TBC1D8: variants seen among roughly 807,000 people sequenced by gnomAD.
TBC1D8 encodes the protein BUB2-like protein 1.
In TBC1D8, 65 loss-of-function variants were observed where a neutral mutation model predicts 118.8. The ratio of observed to expected loss-of-function variants is 0.55; its 90% CI spans 0.45 to 0.67. TBC1D8 has a LOEUF of 0.67. Ranked by LOEUF, TBC1D8 falls within the 30% of genes least tolerant of loss-of-function variation. TBC1D8 has a pLI of 0.00. For synonymous variants in TBC1D8, 566 were observed against 595.8 expected, an observed-to-expected ratio of 0.95 and a Z score of 0.73; for missense variants, 1,376 against 1,471.2, an observed-to-expected ratio of 0.94 and a Z score of 1.06.
chr2:101,079,841 A>G (rs1262548646), intron 2 of TBC1D8, among the ~76,000 whole-genome samples: 1 of 151,412 alleles, frequency 6.6e-6, no homozygotes, highest in Non-Finnish European at 1.5e-5. Context: ...GCCCGCCACC[A>G]CGCCTGGCTA....
chr2:101,098,778 T>C (rs1005093321), intron 1 of TBC1D8, among the ~76,000 whole-genome samples: 19 of 152,112 alleles, frequency 1.2e-4, no homozygotes, highest in African/African-American at 4.3e-4. Flanking sequence ...GGGTAAATTA[T>C]GAAATTACAG....
intron 1 of TBC1D8, among the ~76,000 whole-genome samples, chr2:101,143,628 C>A (rs1430161370): frequency 6.6e-6 from 1 of 152,172 alleles, no homozygotes; most frequent in Non-Finnish European, 1.5e-5. Context: ...GGTACGATCA[C>A]AGTTCACTGC....
At position 101,090,721 on chromosome 2, in the gene TBC1D8, T is replaced by C. The variant is rs565148407; in HGVS notation, c.128-357A>G. 1.8e-4 allele frequency among the ~76,000 whole-genome samples: 27 copies of C among 152,358 alleles called. No individual in the cohort carries two copies. The South Asian group carries it at 5.6e-3, about 32-fold the overall frequency. On this transcript the variant is annotated intron_variant, in intron 1 of 19. Coordinates refer to ENST00000409318, the MANE Select transcript of TBC1D8 (RefSeq NM_001330348.2). ...CTGATGCAAACCCTGGCTCCACCACTTTCAATCTGTGGGGCCTTAGGCAAA... is the reference window on the plus strand; with the variant it reads ...CTGATGCAAACCCTGGCTCCACCACCTTCAATCTGTGGGGCCTTAGGCAAA...
chr2:101,149,464 G>A (rs1351839937), intron 1 of TBC1D8, among the ~76,000 whole-genome samples: 6 of 152,144 alleles, frequency 3.9e-5, no homozygotes, highest in African/African-American at 9.7e-5. Context: ...GCCTGCTCTC[G>A]GGCCTCTTTC....
chr2:101,098,213 T>C (rs567696750), intron 1 of TBC1D8, among the ~76,000 whole-genome samples: 1 of 152,162 alleles, frequency 6.6e-6, no homozygotes, highest in African/African-American at 2.4e-5. Flanking sequence ...ACCAACATGG[T>C]GAAACCCCAT....
At chr2:101,050,719 C>A in intron 4 of TBC1D8, 78 bp from the exon 5 acceptor site, 4 of 1,552,906 alleles carry the variant, frequency 2.6e-6, no homozygotes, top group Non-Finnish European at 3.5e-6. Context: ...AGCAACTATC[C>A]AAAGCTCTCC....
At chr2:101,027,277 C>T (rs1035609241) in intron 15 of TBC1D8, 106 bp downstream of exon 15, 8 of 1,051,648 alleles carry the variant, frequency 7.6e-6, no homozygotes, top group African/African-American at 3.2e-5. Context: ...GGCCTCTGCT[C>T]CACGGAGCCC....
intron 4 of TBC1D8, among the ~76,000 whole-genome samples, chr2:101,051,420 A>G (rs1178594172): frequency 6.6e-6 from 1 of 152,202 alleles, no homozygotes; most frequent in Non-Finnish European, 1.5e-5. Context: ...TGAAGATGCC[A>G]AAAAGCAATT....
intron 4 of TBC1D8, among the ~76,000 whole-genome samples, 151 bp from the exon 5 acceptor site, chr2:101,050,792 G>C (rs928353424): frequency 6.6e-6 from 1 of 152,178 alleles, no homozygotes; most frequent in Non-Finnish European, 1.5e-5. Flanking sequence ...AGGGATACAC[G>C]TGCAGGTTTG....
Position 101,007,690 on chromosome 2 carries a change from T to G in TBC1D8, c.*131A>C, listed in dbSNP as rs1432033442. 2 of 912,038 alleles carry G rather than the reference T, an allele frequency of 2.2e-6. No individual in the cohort carries two copies. Among genetic ancestry groups the G allele is most frequent in the South Asian group, 3.3e-5 (2 of 61,354 alleles). 56.5% of individuals were successfully genotyped at this position (912,038 alleles called of 1,614,324 possible). On this transcript the variant is annotated 3_prime_UTR_variant, in exon 20 of 20. Transcript: ENST00000409318. ...TGTGTCGGTTCCCCTGGCCACAGTT[T>G]GTCAGGTTGTTTAGCCAGATGCCCC...
chr2:101,114,975 A>G (rs1035215122), intron 1 of TBC1D8, among the ~76,000 whole-genome samples: 1 of 152,222 alleles, frequency 6.6e-6, no homozygotes, highest in Non-Finnish European at 1.5e-5. Context: ...ACATAGAGCT[A>G]GTCTGTAAAA....
In TBC1D8 at chr2:101,037,636, G is replaced by A; in HGVS notation, c.1348C>T (p.Gln450Ter). ...RFGDLEMMSS[Q>*]NSEESEKEKS... ...TCTTTCTCACTCTCCTCGCTATTTT[G>A]AGAAGACATCATTTCAAGATCCCCA... Residue 450 changes from glutamine to a stop codon, truncating the protein, a stop_gained, in exon 8 of 20, where the codon CAA (glutamine) becomes TAA (stop). Coordinates refer to ENST00000409318, the MANE Select transcript of TBC1D8 (RefSeq NM_001330348.2). LOFTEE classifies it high-confidence loss of function. 1 of 1,613,926 alleles carries A rather than the reference G, an allele frequency of 6.2e-7. No individual in the cohort carries two copies. The highest frequency in any genetic ancestry group is 8.5e-7 in the Non-Finnish European group (1 of 1,179,894).
At chr2:101,143,320 G>A (rs763673875) in intron 1 of TBC1D8, among the ~76,000 whole-genome samples, 6 of 151,820 alleles carry the variant, frequency 4.0e-5, no homozygotes, top group East Asian at 1.9e-4. Context: ...CTCGGCCTCC[G>A]AAAGTGCTGG....
intron 3 of TBC1D8, among the ~76,000 whole-genome samples, chr2:101,058,627 T>C (rs1682575936): frequency 6.6e-6 from 1 of 152,140 alleles, no homozygotes; most frequent in South Asian, 2.1e-4. Context: ...TATTCCTCTC[T>C]TGCCAACTCA....
intron 8 of TBC1D8, 74 bp downstream of exon 8, chr2:101,037,458 T>G (rs2105396075): frequency 6.4e-7 from 1 of 1,559,030 alleles, no homozygotes; most frequent in South Asian, 1.2e-5. Context: ...CCATGGTGAC[T>G]CAGACAGCTG....
At chr2:101,134,912 G>T (rs917744401) in intron 1 of TBC1D8, among the ~76,000 whole-genome samples, 1 of 152,168 alleles carries the variant, frequency 6.6e-6, no homozygotes, top group African/African-American at 2.4e-5. Flanking sequence ...GGTGGCTCAC[G>T]CCTGTAATCC....
intron 9 of TBC1D8, among the ~76,000 whole-genome samples, chr2:101,035,239 CA>C (rs1160621915): frequency 6.6e-6 from 1 of 152,154 alleles, no homozygotes; most frequent in East Asian, 1.9e-4. Context: ...CCTCCCACAG[CA>C]CCCTGAGGAG....
At chr2:101,076,358 G>C (rs1674820021) in intron 2 of TBC1D8, among the ~76,000 whole-genome samples, 1 of 152,212 alleles carries the variant, frequency 6.6e-6, no homozygotes, top group Non-Finnish European at 1.5e-5. Context: ...AATGGAAGCT[G>C]TCACCTGAAC....
intron 2 of TBC1D8, among the ~76,000 whole-genome samples, chr2:101,085,263 G>T (rs1251622932): frequency 6.6e-6 from 1 of 152,180 alleles, no homozygotes; most frequent in Non-Finnish European, 1.5e-5. Context: ...TACAGCCACA[G>T]AGTTGAATGC....
Sources: gnomAD v4.1 joint callset for allele counts (sites outside exome capture counted in the v4.1 genomes callset) on GRCh38, gnomAD v4.1.1 for gene constraint, MANE v1.5 for transcripts, NCBI Gene and HGNC (gene_info 2026-07-23, HGNC 2026-07-21) for gene names.